The following SLC44A5 variants were observed in gnomAD, a reference collection of about 807,000 sequenced individuals.
SLC44A5 encodes the protein choline transporter-like protein 5.
In SLC44A5, 57 loss-of-function variants were observed where a neutral mutation model predicts 101.8. That is an observed-to-expected ratio of 0.56 (90% CI 0.45 to 0.70). The LOEUF (loss-of-function observed/expected upper bound fraction) is 0.70. Ranked by LOEUF, SLC44A5 falls within the 30% of genes least tolerant of loss-of-function variation. The pLI, the probability that SLC44A5 is intolerant of heterozygous loss-of-function variation, is 0.00. For synonymous variants in SLC44A5, 281 were observed against 290.9 expected, an observed-to-expected ratio of 0.97 and a Z score of 0.35; for missense variants, 737 against 853.1, an observed-to-expected ratio of 0.86 and a Z score of 1.70.
the SLC44A5 span, among the ~76,000 whole-genome samples, chr1:75,659,935 T>G: frequency 6.6e-6 from 1 of 152,034 alleles, no homozygotes; most frequent in Non-Finnish European, 1.5e-5. Flanking sequence ...AAATGTAATA[T>G]ATCAGATTAA....
At chr1:75,398,682 C>T (rs1178400915) in intron 2 of SLC44A5, among the ~76,000 whole-genome samples, 1 of 152,122 alleles carries the variant, frequency 6.6e-6, no homozygotes, top group Non-Finnish European at 1.5e-5. Flanking sequence ...TTTGACTCCT[C>T]TTTCTCAATT....
chr1:75,689,220 A>C, the SLC44A5 span, among the ~76,000 whole-genome samples: 1 of 152,190 alleles, frequency 6.6e-6, no homozygotes, highest in Admixed American at 6.5e-5. Context: ...CAATACGGGG[A>C]TGACATCCTT....
rs527390518 is a variant in SLC44A5 at position 75,566,006 on chromosome 1, T to A, written c.-69-24490A>T. On this transcript the variant is annotated intron_variant, in intron 1 of 23. Transcript: ENST00000370859. ...AAAAAGAAAAAGGAAAACACTGCTG[T>A]CTTTAAATAGCATACATTTCACTTC... Among the ~76,000 whole-genome samples, 546 of 152,328 alleles carry A rather than the reference T, an allele frequency of 3.6e-3. 7 individuals carry two copies. Among genetic ancestry groups the A allele is most frequent in the African/African-American group, 0.013 (528 of 41,578 alleles).
chr1:75,235,321 TGAAAATAAAGGGAGATGTTCA>T (rs1647977258), intron 11 of SLC44A5, among the ~76,000 whole-genome samples: 1 of 152,022 alleles, frequency 6.6e-6, no homozygotes, highest in African/African-American at 2.4e-5. Flanking sequence ...GCAGAAGAAT[TGAAAATAAAGGGAGATGTTCA>T]TGTTTTACTC....
chr1:75,429,941 T>C (rs12410333), intron 2 of SLC44A5, among the ~76,000 whole-genome samples: 15,012 of 152,188 alleles, frequency 0.099, 913 homozygotes, highest in Admixed American at 0.19. Flanking sequence ...GAGCTAAGGA[T>C]ACAAATTCCA....
rs1368589400 is a variant in SLC44A5 at position 75,234,077 on chromosome 1, G to T, written c.762C>A (p.Val254=). 1.2e-6 allele frequency: 2 copies of T among 1,612,708 alleles called. No individual in the cohort carries two copies. Among genetic ancestry groups the T allele is most frequent in the African/African-American group, 2.7e-5 (2 of 74,788 alleles). Residue 254 remains valine, a synonymous_variant, in exon 12 of 24, where the codon GTC becomes GTA. Transcript: ENST00000370859. ...WILIGLTIAM[V]LSWIFLILLR... ...GAAGTATCAAAAATATCCAACTAAG[G>T]ACCATGGCAATCGTCAGGCCACTAG...
chr1:75,308,137 A>C (rs1362908069), intron 4 of SLC44A5, among the ~76,000 whole-genome samples: 1 of 152,200 alleles, frequency 6.6e-6, no homozygotes, highest in Non-Finnish European at 1.5e-5. Context: ...AAATGTACCA[A>C]ATGACTCAAT....
the SLC44A5 span, among the ~76,000 whole-genome samples, chr1:75,680,029 T>C: frequency 6.6e-6 from 1 of 152,254 alleles, no homozygotes; most frequent in East Asian, 1.9e-4. Context: ...CATTACATAA[T>C]GGTAAAGGGA....
intron 2 of SLC44A5, among the ~76,000 whole-genome samples, chr1:75,486,768 C>T (rs571387793): frequency 6.6e-6 from 1 of 152,190 alleles, no homozygotes; most frequent in Non-Finnish European, 1.5e-5. Context: ...CCAGCACACA[C>T]CGATGCAAGA....
intron 5 of SLC44A5, among the ~76,000 whole-genome samples, chr1:75,291,838 C>T (rs774655107): frequency 6.6e-6 from 1 of 151,682 alleles, no homozygotes; most frequent in Non-Finnish European, 1.5e-5. Context: ...GGTGAAACCC[C>T]GTTTCTACTA....
chr1:75,681,020 G>C, the SLC44A5 span, among the ~76,000 whole-genome samples: 1 of 150,334 alleles, frequency 6.7e-6, no homozygotes, highest in Admixed American at 6.6e-5. Flanking sequence ...AGAAGAAATG[G>C]ATAAATTCCT....
the SLC44A5 span, among the ~76,000 whole-genome samples, chr1:75,709,536 G>T: frequency 6.6e-6 from 1 of 152,092 alleles, no homozygotes; most frequent in Non-Finnish European, 1.5e-5. Flanking sequence ...GCTTATTCAG[G>T]TTTTTTCTTT....
intron 3 of SLC44A5, among the ~76,000 whole-genome samples, chr1:75,384,091 G>A (rs138185859): frequency 0.1 from 15,077 of 150,644 alleles, 918 homozygotes; most frequent in Admixed American, 0.19. Context: ...GGTACCAGCC[G>A]CTGCAAAATC....
intron 5 of SLC44A5, among the ~76,000 whole-genome samples, chr1:75,291,031 T>C (rs1363561282): frequency 6.6e-6 from 1 of 152,064 alleles, no homozygotes; most frequent in Non-Finnish European, 1.5e-5. Flanking sequence ...AGACACAGAA[T>C]TGAAGAAAAC....
At chr1:75,320,810 G>C (rs552972076) in intron 4 of SLC44A5, among the ~76,000 whole-genome samples, 1 of 152,220 alleles carries the variant, frequency 6.6e-6, no homozygotes, top group Non-Finnish European at 1.5e-5. Flanking sequence ...CAATTACCAA[G>C]CAAGCTTTTC....
chr1:75,301,889 G>A (rs986585475), intron 4 of SLC44A5, among the ~76,000 whole-genome samples: 1 of 152,050 alleles, frequency 6.6e-6, no homozygotes, highest in African/African-American at 2.4e-5. Context: ...TTTCTGCAAG[G>A]TTTTAAAATA....
chr1:75,663,296 G>A, the SLC44A5 span, among the ~76,000 whole-genome samples: 1 of 151,996 alleles, frequency 6.6e-6, no homozygotes, highest in Admixed American at 6.6e-5. Context: ...CTTATGAAAG[G>A]GACCTCAGCA....
At chr1:75,350,464 T>C (rs1377724697) in intron 3 of SLC44A5, among the ~76,000 whole-genome samples, 3 of 151,612 alleles carry the variant, frequency 2.0e-5, no homozygotes, top group Non-Finnish European at 4.4e-5. Context: ...CTAAGAAATA[T>C]ACAAGCTCAA....
intron 2 of SLC44A5, among the ~76,000 whole-genome samples, chr1:75,466,835 C>T (rs1287814644): frequency 1.3e-5 from 2 of 152,008 alleles, no homozygotes; most frequent in Admixed American, 6.5e-5. Context: ...ACTGAAATTC[C>T]TAGTTAGAGC....
Sources: gnomAD v4.1 joint callset for allele counts (sites outside exome capture counted in the v4.1 genomes callset) on GRCh38, gnomAD v4.1.1 for gene constraint, MANE v1.5 for transcripts, NCBI Gene and HGNC (gene_info 2026-07-23, HGNC 2026-07-21) for gene names.